Variants in DOCK8 observed in about 807,000 individuals in gnomAD.
DOCK8 encodes the protein dedicator of cytokinesis protein 8.
In DOCK8, 141 loss-of-function variants were observed where a neutral mutation model predicts 245.6. The observed-to-expected ratio is 0.57, with a 90% CI of 0.50 to 0.66. The LOEUF is 0.66. Among genes scored for constraint, DOCK8 ranks in the 30% least tolerant of loss-of-function variants. The pLI, the probability that DOCK8 is intolerant of heterozygous loss-of-function variation, is 0.00. For missense variants in DOCK8, 2,965 were observed against 2,603.4 expected (o/e 1.14, Z -3.02); for synonymous variants, 1,168 against 970.2 (o/e 1.20, Z -3.79).
chr9:275,112 C>T (rs919080475), intron 2 of DOCK8, among the ~76,000 whole-genome samples: 1 of 152,298 alleles, frequency 6.6e-6, no homozygotes, highest in East Asian at 1.9e-4. Flanking sequence ...CTGAAGACTT[C>T]AGTTTCTTCA....
intron 1 of DOCK8, among the ~76,000 whole-genome samples, chr9:241,036 A>G (rs2047363503): frequency 6.6e-6 from 1 of 151,540 alleles, no homozygotes; most frequent in South Asian, 2.1e-4. Flanking sequence ...AATGATTTGT[A>G]TAAATCATTA....
At chr9:416,178 C>T (rs1399373729) in intron 29 of DOCK8, among the ~76,000 whole-genome samples, 1 of 152,186 alleles carries the variant, frequency 6.6e-6, no homozygotes, top group African/African-American at 2.4e-5. Context: ...GCTCAGCACA[C>T]AGGGCTGAGC....
intron 1 of DOCK8, among the ~76,000 whole-genome samples, chr9:254,954 G>T (rs1038262302): frequency 6.6e-6 from 1 of 152,166 alleles, no homozygotes; most frequent in Admixed American, 6.5e-5. Context: ...TGGTTGATCA[G>T]TTCTTTAGCA....
chr9:215,111 G>C (rs1233327158), intron 1 of DOCK8, 82 bp downstream of exon 1: 1 of 1,503,742 alleles, frequency 6.7e-7, no homozygotes, highest in South Asian at 1.2e-5. Flanking sequence ...CAGGGGCCGA[G>C]GCCGGACGAG....
At chr9:300,581 T>G (rs1414648681) in intron 4 of DOCK8, among the ~76,000 whole-genome samples, 1 of 149,010 alleles carries the variant, frequency 6.7e-6, no homozygotes, top group South Asian at 2.1e-4. Flanking sequence ...AAAACAAGGT[T>G]GATAGATCAC....
chr9:332,571 C>G, intron 10 of DOCK8, 93 bp downstream of exon 10: 5 of 849,486 alleles, frequency 5.9e-6, no homozygotes, highest in Non-Finnish European at 1.0e-5. Flanking sequence ...GCTTTAGTCC[C>G]TAATGTGTCC....
At chr9:337,354 C>T (rs2051360795) in intron 12 of DOCK8, among the ~76,000 whole-genome samples, 1 of 152,328 alleles carries the variant, frequency 6.6e-6, no homozygotes. Context: ...GCCTGGAATA[C>T]AGTAAGTGCT....
chr9:391,162 G>A (rs536425126), intron 24 of DOCK8, among the ~76,000 whole-genome samples: 19 of 152,064 alleles, frequency 1.2e-4, no homozygotes, highest in Non-Finnish European at 1.3e-4. Flanking sequence ...TTTCACCTCC[G>A]CACCCCCAAC....
chr9:310,070 C>G (rs2050027439), intron 5 of DOCK8, among the ~76,000 whole-genome samples: 1 of 152,092 alleles, frequency 6.6e-6, no homozygotes, highest in Non-Finnish European at 1.5e-5. Context: ...GAGTTCAAGA[C>G]CAGCCTGGCC....
chr9:459,457 G>A (rs1440707684), intron 46 of DOCK8, among the ~76,000 whole-genome samples: 1 of 152,158 alleles, frequency 6.6e-6, no homozygotes, highest in Non-Finnish European at 1.5e-5. Flanking sequence ...ATTAATTGCT[G>A]TGTAACAAAC....
intron 4 of DOCK8, among the ~76,000 whole-genome samples, chr9:296,319 C>A (rs1586626982): frequency 6.6e-6 from 1 of 152,086 alleles, no homozygotes; most frequent in Non-Finnish European, 1.5e-5. Context: ...CTAAATGAAC[C>A]AAAGAGGGAT....
At chr9:257,580 C>T (rs950553493) in intron 1 of DOCK8, among the ~76,000 whole-genome samples, 6 of 152,234 alleles carry the variant, frequency 3.9e-5, no homozygotes, top group South Asian at 2.1e-4. Context: ...AGTGCAGTGG[C>T]GCGATCTCGG....
chr9:241,554 C>T (rs964474832), intron 1 of DOCK8, among the ~76,000 whole-genome samples: 5 of 152,098 alleles, frequency 3.3e-5, no homozygotes, highest in African/African-American at 1.2e-4. Flanking sequence ...CTGCAAATAA[C>T]AGGATTTCAT....
At chr9:282,418 T>G (rs533650796) in intron 2 of DOCK8, among the ~76,000 whole-genome samples, 28 of 150,968 alleles carry the variant, frequency 1.9e-4, no homozygotes, top group East Asian at 5.8e-4. Flanking sequence ...GTTTTGTTTT[T>G]TTTTTTTTTT....
intron 4 of DOCK8, among the ~76,000 whole-genome samples, chr9:290,127 T>G (rs913382681): frequency 1.3e-5 from 2 of 152,226 alleles, no homozygotes; most frequent in Non-Finnish European, 2.9e-5. Flanking sequence ...TCCATTAACT[T>G]ACTGAGAAAG....
intron 14 of DOCK8, among the ~76,000 whole-genome samples, chr9:348,440 A>G (rs1338463397): frequency 6.6e-6 from 1 of 152,208 alleles, no homozygotes; most frequent in East Asian, 1.9e-4. Context: ...CAGCCCATAT[A>G]GAACGGTCCT....
At chr9:332,506 G>A (rs763731316) in intron 10 of DOCK8, 28 bp downstream of exon 10, 1 of 1,511,542 alleles carries the variant, frequency 6.6e-7, no homozygotes, top group Admixed American at 1.7e-5. Context: ...TTGTTAAATG[G>A]AGACATCTTA....
intron 43 of DOCK8, 63 bp from the exon 44 acceptor site, chr9:446,307 T>C (rs1407891705): frequency 7.2e-7 from 1 of 1,385,104 alleles, no homozygotes; most frequent in East Asian, 2.3e-5. Flanking sequence ...GCCCCTCCAT[T>C]GCGTCAGGGA....
At chr9:341,103 A>G (rs568898307) in intron 14 of DOCK8, among the ~76,000 whole-genome samples, 9 of 152,392 alleles carry the variant, frequency 5.9e-5, no homozygotes, top group African/African-American at 2.2e-4. Flanking sequence ...GTGTGCCAGC[A>G]GTACAATAGC....
Sources: gnomAD v4.1 joint callset for allele counts (sites outside exome capture counted in the v4.1 genomes callset) on GRCh38, gnomAD v4.1.1 for gene constraint, MANE v1.5 for transcripts, NCBI Gene and HGNC (gene_info 2026-07-23, HGNC 2026-07-21) for gene names.